SERPINI2: variants seen among roughly 807,000 people sequenced by gnomAD.
The protein encoded by SERPINI2 is serpin family I member 2.
A neutral mutation model predicts 47.3 loss-of-function variants in SERPINI2; 48 were observed. That is an observed-to-expected ratio of 1.02 (90% confidence interval 0.81 to 1.29). SERPINI2 has a LOEUF of 1.29. Ranked by LOEUF, SERPINI2 falls within the 50% of genes most tolerant of loss-of-function variation. The pLI is 0.00. For missense variants in SERPINI2, 448 were observed against 456.9 expected, an observed-to-expected ratio of 0.98 and a Z score of 0.18; for synonymous variants, 135 against 149.3, an observed-to-expected ratio of 0.90 and a Z score of 0.70.
At chr3:167,444,456 C>T (rs1162727750) in intron 8 of SERPINI2, among the ~76,000 whole-genome samples, 3 of 152,164 alleles carry the variant, frequency 2.0e-5, no homozygotes, top group Non-Finnish European at 4.4e-5. Flanking sequence ...CATCCTCATA[C>T]TTCAGAAATC....
chr3:167,444,190 A>T (rs925137905), intron 8 of SERPINI2, among the ~76,000 whole-genome samples: 1 of 152,136 alleles, frequency 6.6e-6, no homozygotes, highest in Non-Finnish European at 1.5e-5. Flanking sequence ...TTTTTCAGGA[A>T]TGGTACCTTT....
At position 167,449,379 on chromosome 3, in the gene SERPINI2, G is replaced by A; in HGVS notation, c.988C>T (p.Gln330Ter). The A allele has an allele frequency of 1.2e-6, 2 of 1,611,456 alleles. No homozygotes were observed. Among genetic ancestry groups the A allele is most frequent in the Non-Finnish European group, 8.5e-7 (1 of 1,178,444 alleles). ...TCAAAGAAAACTTTTTGCGTCACTT[G>A]GGAAACATACACTTCAGATGAATCT... Residue 330 changes from glutamine to a stop codon, truncating the protein, a stop_gained, in exon 7 of 9, where the codon CAA (glutamine) becomes TAA (stop). Coordinates refer to ENST00000264677, the Ensembl canonical transcript of SERPINI2. LOFTEE classifies it high-confidence loss of function.
At chr3:167,463,816 C>T (rs1349919495) in intron 5 of SERPINI2, among the ~76,000 whole-genome samples, 3 of 151,898 alleles carry the variant, frequency 2.0e-5, no homozygotes, top group Non-Finnish European at 4.4e-5. Flanking sequence ...TAAGAGAAAT[C>T]AACCTAGAGT....
intron 8 of SERPINI2, among the ~76,000 whole-genome samples, chr3:167,443,645 G>T (rs1032181218): frequency 6.6e-6 from 1 of 152,012 alleles, no homozygotes; most frequent in Non-Finnish European, 1.5e-5. Flanking sequence ...AGAGTAGTTT[G>T]TCTGGAAAAA....
At chr3:167,474,155 C>G, upstream of SERPINI2, 1 of 988,238 alleles carries the variant, frequency 1.0e-6, no homozygotes, top group Non-Finnish European at 1.2e-6. Flanking sequence ...CAGGTGTTCA[C>G]TACATTTGTA....
chr3:167,471,913 C>T, intron 1 of SERPINI2, 69 bp from the exon 2 acceptor site: 2 of 1,179,002 alleles, frequency 1.7e-6, no homozygotes, highest in Non-Finnish European at 2.4e-6. Context: ...CAACAGAAAA[C>T]TTTCTACCTG....
At chr3:167,454,294 C>G (rs1169799120) in intron 5 of SERPINI2, among the ~76,000 whole-genome samples, 1 of 152,176 alleles carries the variant, frequency 6.6e-6, no homozygotes. Context: ...TAAATTATTT[C>G]TTGGTAAAAC....
chr3:167,450,173 G>T (rs2108154199), intron 6 of SERPINI2, among the ~76,000 whole-genome samples: 1 of 152,296 alleles, frequency 6.6e-6, no homozygotes, highest in East Asian at 1.9e-4. Context: ...TCAAATCTGG[G>T]GAAGCTATGA....
intron 5 of SERPINI2, among the ~76,000 whole-genome samples, chr3:167,455,712 G>A (rs773880040): frequency 6.6e-6 from 1 of 152,178 alleles, no homozygotes; most frequent in Non-Finnish European, 1.5e-5. Flanking sequence ...CAGGGAGCAT[G>A]ATGCTGGCAT....
rs536884425 is a variant in SERPINI2, at chr3:167,470,550, CTT to C, written c.247+1036_247+1037del. ...AGATAGCTGAGGAGATGAGCAACAACTTTTTTTTTTTTTTTTTTTTTTTTTTT... is the reference window on the plus strand; with the variant it reads ...AGATAGCTGAGGAGATGAGCAACAACTTTTTTTTTTTTTTTTTTTTTTTTT... On this transcript the variant is annotated intron_variant, in intron 2 of 8. Transcript: ENST00000264677. 1.4e-4 allele frequency among the ~76,000 whole-genome samples: 13 copies of C among 93,032 alleles called. No homozygotes were observed. In the East Asian group the frequency reaches 1.5e-3, roughly 11 times the overall value. 61.0% of individuals were successfully genotyped at this position (93,032 alleles called of 152,430 possible).
intron 6 of SERPINI2, among the ~76,000 whole-genome samples, chr3:167,451,368 C>T (rs1749636224): frequency 6.6e-6 from 1 of 152,100 alleles, no homozygotes; most frequent in Non-Finnish European, 1.5e-5. Flanking sequence ...AGGTAGTGTC[C>T]CTTTCACACA....
chr3:167,453,939 T>C (rs1305688528), intron 5 of SERPINI2, among the ~76,000 whole-genome samples: 1 of 152,182 alleles, frequency 6.6e-6, no homozygotes, highest in Admixed American at 6.5e-5. Flanking sequence ...TAATTTGCAT[T>C]TTAAATACAG....
intron 5 of SERPINI2, among the ~76,000 whole-genome samples, chr3:167,459,273 A>G (rs1416289762): frequency 1.3e-5 from 2 of 151,614 alleles, no homozygotes; most frequent in Non-Finnish European, 2.9e-5. Flanking sequence ...ACGGGGTTTC[A>G]CCGTTTTAGC....
At chr3:167,448,906 C>G (rs1749560937) in intron 7 of SERPINI2, among the ~76,000 whole-genome samples, 1 of 151,946 alleles carries the variant, frequency 6.6e-6, no homozygotes, top group African/African-American at 2.4e-5. Flanking sequence ...GAGATAATAA[C>G]AAGAATCAAA....
At chr3:167,467,354 AT>A in intron 2 of SERPINI2, 69 bp from the exon 3 acceptor site, 1 of 1,089,212 alleles carries the variant, frequency 9.2e-7, no homozygotes, top group Non-Finnish European at 1.3e-6. Context: ...CAGCTTTGCT[AT>A]CTAAGTACTC....
At chr3:167,443,095 TA>T (rs1577164984) in intron 8 of SERPINI2, among the ~76,000 whole-genome samples, 2 of 152,226 alleles carry the variant, frequency 1.3e-5, no homozygotes, top group East Asian at 1.9e-4. Context: ...GATTTTATTT[TA>T]TTTTTTTGTT....
At chr3:167,445,416 T>C (rs1293686518) in intron 8 of SERPINI2, among the ~76,000 whole-genome samples, 3 of 152,194 alleles carry the variant, frequency 2.0e-5, no homozygotes, top group African/African-American at 7.2e-5. Context: ...CTTCAAAAAT[T>C]CTTTTATTTA....
At chr3:167,474,926 T>G (rs1342367890), upstream of SERPINI2, among the ~76,000 whole-genome samples, 1 of 151,708 alleles carries the variant, frequency 6.6e-6, no homozygotes. Context: ...TTTAATACTA[T>G]TTCTGATAAA....
At chr3:167,460,350 T>TAACG (rs373633883) in intron 5 of SERPINI2, among the ~76,000 whole-genome samples, 5 of 152,208 alleles carry the variant, frequency 3.3e-5, no homozygotes, top group African/African-American at 1.2e-4. Flanking sequence ...AAACACATAT[T>TAACG]TTAAACGGGT....
Sources: allele counts gnomAD v4.1 joint callset (sites outside exome capture counted in the v4.1 genomes callset), GRCh38; gene constraint gnomAD v4.1.1; transcripts MANE v1.5; gene names NCBI Gene and HGNC (gene_info 2026-07-23, HGNC 2026-07-21).